NEK10: variants seen among roughly 807,000 people sequenced by gnomAD.
NEK10 encodes NIMA related kinase 10.
NEK10 carries 122 observed loss-of-function variants against 159.8 expected under a neutral mutation model. The observed-to-expected ratio is 0.76, with a 90% CI of 0.66 to 0.89. The LOEUF is 0.89. Ranked by LOEUF, NEK10 falls within the 40% of genes least tolerant of loss-of-function variation. NEK10 has a pLI of 0.00. For missense variants in NEK10, 1,342 were observed against 1,323.1 expected, an observed-to-expected ratio of 1.01 and a Z score of -0.22; for synonymous variants, 466 against 457.1, an observed-to-expected ratio of 1.02 and a Z score of -0.25.
chr3:27,160,471 G>A (rs1389521844), intron 30 of NEK10, among the ~76,000 whole-genome samples: 2 of 152,194 alleles, frequency 1.3e-5, no homozygotes, highest in Non-Finnish European at 2.9e-5. Context: ...TATGAAGGTT[G>A]AGAAAAATAA....
intron 22 of NEK10, among the ~76,000 whole-genome samples, chr3:27,259,336 G>A (rs985894498): frequency 3.9e-5 from 6 of 152,124 alleles, no homozygotes; most frequent in Non-Finnish European, 8.8e-5. Context: ...TTCTTCTAGG[G>A]TTTTTATGGT....
chr3:27,187,720 CA>C (rs1205827958), intron 26 of NEK10, among the ~76,000 whole-genome samples: 26 of 149,676 alleles, frequency 1.7e-4, no homozygotes, highest in African/African-American at 6.4e-4. Flanking sequence ...GAGATTGTGC[CA>C]CTGCACTCCA....
intron 23 of NEK10, among the ~76,000 whole-genome samples, chr3:27,212,745 G>C (rs1196317669): frequency 1.3e-5 from 2 of 152,246 alleles, no homozygotes; most frequent in Admixed American, 1.3e-4. Flanking sequence ...CCCAGGGCTT[G>C]AGTATGTTTG....
At chr3:27,184,818 C>T (rs1439471585) in intron 26 of NEK10, among the ~76,000 whole-genome samples, 1 of 152,132 alleles carries the variant, frequency 6.6e-6, no homozygotes, top group Non-Finnish European at 1.5e-5. Flanking sequence ...AAAAATACAT[C>T]ATTTTCTACA....
chr3:27,204,315 T>TTTTTTTTTTTTTTTTTTTTTTTTGTTTTG (rs1559606319), intron 23 of NEK10, among the ~76,000 whole-genome samples: 1 of 113,186 alleles, frequency 8.8e-6, no homozygotes, highest in Non-Finnish European at 1.9e-5. Context: ...TTTTTTTTTT[T>TTTTTTTTTTTTTTTTTTTTTTTTGTTTTG]TTTTTTATTA....
intron 23 of NEK10, among the ~76,000 whole-genome samples, chr3:27,255,977 T>A (rs1372075304): frequency 6.6e-6 from 1 of 152,136 alleles, no homozygotes; most frequent in African/African-American, 2.4e-5. Context: ...GGGTAGCATA[T>A]CTATTACTTC....
intron 25 of NEK10, among the ~76,000 whole-genome samples, chr3:27,199,867 C>T (rs1034264385): frequency 1.3e-5 from 2 of 151,858 alleles, no homozygotes; most frequent in Admixed American, 1.3e-4. Context: ...AACAGAAAAC[C>T]AAATACTACA....
intron 22 of NEK10, among the ~76,000 whole-genome samples, chr3:27,269,771 C>G (rs2041189588): frequency 6.6e-6 from 1 of 152,124 alleles, no homozygotes; most frequent in Non-Finnish European, 1.5e-5. Flanking sequence ...ATTGGGTTAT[C>G]TTTAACTCTT....
At chr3:27,248,802 A>G (rs896815777) in intron 23 of NEK10, among the ~76,000 whole-genome samples, 12 of 152,160 alleles carry the variant, frequency 7.9e-5, no homozygotes, top group Admixed American at 7.2e-4. Flanking sequence ...AGAATAATTC[A>G]TGTGCTGAGA....
chr3:27,341,421 C>T (rs911099788), intron 5 of NEK10, among the ~76,000 whole-genome samples: 25 of 152,266 alleles, frequency 1.6e-4, no homozygotes, highest in Admixed American at 7.2e-4. Flanking sequence ...TTGATCATTA[C>T]ACATTCTATG....
chr3:27,215,731 C>T (rs750622046), intron 23 of NEK10: 29 of 705,386 alleles, frequency 4.1e-5, no homozygotes, highest in East Asian at 2.4e-4. Flanking sequence ...AATTGGCTCA[C>T]GGTTCTGCAG....
chr3:27,220,692 A>G (rs1452843362), intron 23 of NEK10, among the ~76,000 whole-genome samples: 1 of 152,156 alleles, frequency 6.6e-6, no homozygotes, highest in Admixed American at 6.5e-5. Context: ...ATTTATCTAG[A>G]AACACACGGG....
intron 22 of NEK10, among the ~76,000 whole-genome samples, chr3:27,272,717 G>C (rs141447918): frequency 3.9e-4 from 59 of 152,232 alleles, no homozygotes; most frequent in African/African-American, 1.3e-3. Context: ...GCTGAACCAG[G>C]TACTCAAGAT....
chr3:27,275,665 G>T (rs1287933719), intron 22 of NEK10, among the ~76,000 whole-genome samples: 1 of 152,182 alleles, frequency 6.6e-6, no homozygotes, highest in Non-Finnish European at 1.5e-5. Flanking sequence ...TATTTGACCA[G>T]GAGGTTTTGT....
At chr3:27,282,559 T>TATATATATATATAC (rs1244802639) in intron 22 of NEK10, among the ~76,000 whole-genome samples, 27 of 86,894 alleles carry the variant, frequency 3.1e-4, no homozygotes, top group African/African-American at 1.3e-3. Context: ...TATATATATA[T>TATATATATATATAC]ACATAACTGT....
chr3:27,305,720 A>G (rs987808006), intron 11 of NEK10, among the ~76,000 whole-genome samples: 1 of 152,132 alleles, frequency 6.6e-6, no homozygotes, highest in African/African-American at 2.4e-5. Flanking sequence ...AAAACACTAC[A>G]ATGCAGGTAA....
intron 23 of NEK10, among the ~76,000 whole-genome samples, chr3:27,250,415 T>C (rs1955532504): frequency 6.6e-6 from 1 of 152,180 alleles, no homozygotes; most frequent in Admixed American, 6.6e-5. Flanking sequence ...CTCGATCTCC[T>C]GACCTCGTGA....
At chr3:27,251,112 G>A (rs1017268013) in intron 23 of NEK10, among the ~76,000 whole-genome samples, 6 of 152,052 alleles carry the variant, frequency 3.9e-5, no homozygotes, top group African/African-American at 1.4e-4. Context: ...TAGGACATGG[G>A]CACTATTATT....
chr3:27,286,785 G>A (rs1049039962), intron 20 of NEK10, among the ~76,000 whole-genome samples: 1 of 151,924 alleles, frequency 6.6e-6, no homozygotes, highest in Non-Finnish European at 1.5e-5. Context: ...CAAGTCTGAA[G>A]CCAACCTTGA....
Sources: allele counts gnomAD v4.1 joint callset (sites outside exome capture counted in the v4.1 genomes callset), GRCh38; gene constraint gnomAD v4.1.1; transcripts MANE v1.5; gene names NCBI Gene and HGNC (gene_info 2026-07-23, HGNC 2026-07-21).